Variants in MGLL observed in about 807,000 individuals in gnomAD.
MGLL encodes lysophospholipase homolog.
MGLL carries 7 observed loss-of-function variants against 29.1 expected under a neutral mutation model. The ratio of observed to expected loss-of-function variants is 0.24; its 90% confidence interval spans 0.14 to 0.45. The LOEUF (loss-of-function observed/expected upper bound fraction) is 0.45. Among genes scored for constraint, MGLL ranks in the 20% least tolerant of loss-of-function variants. MGLL has a pLI of 0.99. For missense variants in MGLL, 356 were observed against 413.6 expected, an observed-to-expected ratio of 0.86 and a Z score of 1.21; for synonymous variants, 148 against 168.3, an observed-to-expected ratio of 0.88 and a Z score of 0.93.
In MGLL at chr3:127,691,391, T is replaced by C. The variant is rs2075239832; in HGVS notation, c.*807A>G. 1 of 152,238 alleles carries C rather than the reference T, an allele frequency of 6.6e-6. No individual in the cohort carries two copies. The highest frequency in any genetic ancestry group is 2.4e-5 in the African/African-American group (1 of 41,440). 9.4% of individuals were successfully genotyped at this position (152,238 alleles called of 1,614,324 possible). On this transcript the variant is annotated 3_prime_UTR_variant, in exon 8 of 8. Transcript: ENST00000265052. ...TCTGCTTTAAAATATACATTATATA[T>C]TAGACATTTCATCTTCAATATGATT...
chr3:127,730,830 C>T (rs16827117), intron 3 of MGLL, among the ~76,000 whole-genome samples: 17,874 of 152,092 alleles, frequency 0.12, 1,254 homozygotes, highest in African/African-American at 0.2. Flanking sequence ...CTGGATGGGG[C>T]GCAAAACAGT....
intron 6 of MGLL, among the ~76,000 whole-genome samples, chr3:127,700,912 C>A (rs72973311): frequency 6.6e-6 from 1 of 152,054 alleles, no homozygotes; most frequent in Non-Finnish European, 1.5e-5. Flanking sequence ...ATATCCTAAA[C>A]GCAAATAAGA....
rs1559900083 is a variant in MGLL at position 127,692,116 on chromosome 3, G to GCCATAT, written c.*81_*82insATATGG. The GCCATAT allele has an allele frequency of 5.6e-6, 3 of 531,416 alleles. No homozygotes were observed. Among genetic ancestry groups the GCCATAT allele is most frequent in the Non-Finnish European group, 8.7e-6 (3 of 345,676 alleles). 32.9% of individuals were successfully genotyped at this position (531,416 alleles called of 1,614,324 possible). On this transcript the variant is annotated 3_prime_UTR_variant, in exon 8 of 8. Coordinates refer to ENST00000265052, the MANE Select transcript of MGLL (RefSeq NM_007283.7). ...CTGATTTTTTTTTTTTTTTTTTTTT[G>GCCATAT]GCAAGCCATATCTGAGAAGCCATCT...
rs779071338 is a variant in MGLL, at chr3:127,692,330, TGAG to T, written c.817-10_817-8del. ...GGTAGGCACCTTCATAAATCTGCAA[TGAG>T]GAGAGACACGGAATCAGAGCTGCAC... On this transcript the variant is annotated splice_polypyrimidine_tract_variant and splice_region_variant and intron_variant, in intron 7 of 7. Transcript: ENST00000265052. The T allele has an allele frequency of 2.5e-5, 40 of 1,613,896 alleles. No homozygotes were observed. Among genetic ancestry groups the T allele is most frequent in the Non-Finnish European group, 3.4e-5 (40 of 1,180,006 alleles).
chr3:127,734,992 T>C (rs1004662770), intron 3 of MGLL, among the ~76,000 whole-genome samples: 20 of 152,380 alleles, frequency 1.3e-4, no homozygotes, highest in African/African-American at 4.3e-4. Flanking sequence ...AGACGATCAC[T>C]GTGGGGCCTC....
At chr3:127,805,847 G>T (rs539774416) in intron 2 of MGLL, among the ~76,000 whole-genome samples, 13 of 152,236 alleles carry the variant, frequency 8.5e-5, no homozygotes, top group African/African-American at 1.2e-4. Context: ...ATCTAGCAAC[G>T]TGTCAGACAA....
intron 2 of MGLL, among the ~76,000 whole-genome samples, chr3:127,803,021 C>T (rs919278417): frequency 2.0e-5 from 3 of 151,950 alleles, no homozygotes; most frequent in Non-Finnish European, 4.4e-5. Context: ...GCTCTGTCAC[C>T]CAGGCTGGGG....
rs367863800 is a variant in MGLL at position 127,764,956 on chromosome 3, G to C, written c.262+16833C>G. 6.6e-5 allele frequency among the ~76,000 whole-genome samples: 10 copies of C among 152,336 alleles called. 2 individuals are homozygous for C. Among genetic ancestry groups the C allele is most frequent in the South Asian group, 2.1e-4 (1 of 4,834 alleles). On this transcript the variant is annotated intron_variant, in intron 3 of 7. Transcript: ENST00000265052. The stretch of plus-strand genomic sequence containing the variant: ...CTGTAGATGAGAAAACTGAGATGCA[G>C]AGAGGTTAGTAACTTGCCCAGAGTC...
At chr3:127,813,723 G>A (rs1351383844) in intron 2 of MGLL, among the ~76,000 whole-genome samples, 1 of 152,004 alleles carries the variant, frequency 6.6e-6, no homozygotes, top group African/African-American at 2.4e-5. Context: ...AGGACTCCCG[G>A]GTCATTGACC....
chr3:127,727,298 G>A (rs545872192), intron 3 of MGLL, among the ~76,000 whole-genome samples: 1 of 152,238 alleles, frequency 6.6e-6, no homozygotes, highest in African/African-American at 2.4e-5. Context: ...CCACCGAGGT[G>A]CCTTTGCTTT....
chr3:127,802,658 A>G (rs1299851853), intron 2 of MGLL, among the ~76,000 whole-genome samples: 1 of 152,258 alleles, frequency 6.6e-6, no homozygotes, highest in Middle Eastern at 3.2e-3. Context: ...ATAGGAGGCC[A>G]AGAGATTAAG....
chr3:127,822,176 T>C, intron 1 of MGLL, 133 bp downstream of exon 1: 2 of 1,024,712 alleles, frequency 2.0e-6, no homozygotes, highest in African/African-American at 1.6e-5. Context: ...GCTCTATGGG[T>C]ACAAAGACCC....
rs755905761 is a variant in MGLL at position 127,692,297 on chromosome 3, G to A, written c.843C>T (p.Leu281=). The change falls in exon 8 of 8, where the codon CTC becomes CTT. Residue 281 remains leucine (L), a synonymous_variant. Coordinates refer to ENST00000265052, the MANE Select transcript of MGLL (RefSeq NM_007283.7). ...TGGTGACTTCAGGAAGCTCCTTGTG[G>A]AGAACATGGTAGGCACCTTCATAAA... ...LKIYEGAYHV[L]HKELPEVTNS... The A allele has an allele frequency of 9.3e-6, 15 of 1,614,032 alleles. 1 individual carries two copies. The South Asian group carries it at 1.6e-4, about 18-fold the overall frequency.
At position 127,761,451 on chromosome 3, in the gene MGLL, C is replaced by T. The variant is rs920249242; in HGVS notation, c.262+20338G>A. Reference sequence around the variant, plus strand: ...TTCTCCAGCAAGCAGTACTAACCTCCACAGCCAGGGTGGAAGCCACAGAAC... The same window carrying T: ...TTCTCCAGCAAGCAGTACTAACCTCTACAGCCAGGGTGGAAGCCACAGAAC... On this transcript the variant is annotated intron_variant, in intron 3 of 7. Transcript: ENST00000265052. This position sits in a 1 kb window ranked among gnomAD's most constrained non-coding sequence, Gnocchi z 4.6. 6.6e-6 allele frequency among the ~76,000 whole-genome samples: 1 copy of T among 152,204 alleles called. No individual in the cohort carries two copies. The highest frequency in any genetic ancestry group is 2.4e-5 in the African/African-American group (1 of 41,450).
At chr3:127,745,653 A>G (rs2076428544) in intron 3 of MGLL, among the ~76,000 whole-genome samples, 1 of 152,214 alleles carries the variant, frequency 6.6e-6, no homozygotes, top group Non-Finnish European at 1.5e-5. Context: ...ATATCCATGT[A>G]ACAAAGCTGC....
chr3:127,706,736 G>A (rs2075610223), intron 6 of MGLL, among the ~76,000 whole-genome samples: 1 of 152,150 alleles, frequency 6.6e-6, no homozygotes. Flanking sequence ...GAACGATAGA[G>A]AGCCACAGAA....
At chr3:127,802,250 T>C (rs563118127) in intron 2 of MGLL, among the ~76,000 whole-genome samples, 80 of 152,246 alleles carry the variant, frequency 5.3e-4, no homozygotes, top group African/African-American at 1.8e-3. Context: ...TTCAAGAGTT[T>C]GGTCTTGAAC....
At chr3:127,778,339 A>G (rs767688323) in intron 3 of MGLL, among the ~76,000 whole-genome samples, 1 of 152,248 alleles carries the variant, frequency 6.6e-6, no homozygotes, top group Non-Finnish European at 1.5e-5. Context: ...CACGGGGACA[A>G]GAACCCCCTA....
At chr3:127,694,347 G>GTATATATATATGTGTA (rs58721396) in intron 7 of MGLL, among the ~76,000 whole-genome samples, 6 of 73,030 alleles carry the variant, frequency 8.2e-5, no homozygotes, top group Non-Finnish European at 1.5e-4. Flanking sequence ...ATATGTATGT[G>GTATATATATATGTGTA]TATATATATG....
Sources: allele counts gnomAD v4.1 joint callset (sites outside exome capture counted in the v4.1 genomes callset), GRCh38; gene constraint gnomAD v4.1.1; non-coding constraint Gnocchi (gnomAD v3.1); transcripts MANE v1.5; gene names NCBI Gene and HGNC (gene_info 2026-07-23, HGNC 2026-07-21).